The following SUMF1 variants were observed in gnomAD, a reference collection of about 807,000 sequenced individuals.
SUMF1 encodes the protein sulfatase modifying factor 1, also known as formylglycine-generating enzyme.
Under a neutral mutation model 47.6 loss-of-function variants are expected in SUMF1, and 48 were observed. That is an observed-to-expected ratio of 1.01 (90% CI 0.80 to 1.28). SUMF1 has a LOEUF of 1.28. Among genes scored for constraint, SUMF1 ranks in the 50% most tolerant of loss-of-function variants. The pLI is 0.00. For synonymous variants in SUMF1, 230 were observed against 192.1 expected (o/e 1.20, Z -1.63); for missense variants, 571 against 485.4 (o/e 1.18, Z -1.66).
chr3:4,084,062 G>A (rs1305124146), intron 8 of SUMF1, among the ~76,000 whole-genome samples: 1 of 152,092 alleles, frequency 6.6e-6, no homozygotes, highest in Non-Finnish European at 1.5e-5. Flanking sequence ...TGGAGGAAAT[G>A]ACACTTTTTA....
chr3:4,240,518 G>GAAA (rs1357661170), intron 8 of SUMF1, among the ~76,000 whole-genome samples: 1 of 151,500 alleles, frequency 6.6e-6, no homozygotes, highest in African/African-American at 2.4e-5. Context: ...TTTGCTTTTA[G>GAAA]ATGATTTTTT....
intron 8 of SUMF1, among the ~76,000 whole-genome samples, chr3:4,198,603 T>A (rs1489558770): frequency 6.6e-6 from 1 of 152,140 alleles, no homozygotes; most frequent in Non-Finnish European, 1.5e-5. Flanking sequence ...GTGAAAAGAC[T>A]GACAATGGCC....
At chr3:4,214,700 A>G (rs575115222) in intron 8 of SUMF1, among the ~76,000 whole-genome samples, 1 of 152,278 alleles carries the variant, frequency 6.6e-6, no homozygotes, top group East Asian at 1.9e-4. Context: ...GCAATAAAAA[A>G]TCATATAGGG....
chr3:4,365,799 T>A (rs576084482), intron 8 of SUMF1, among the ~76,000 whole-genome samples: 68 of 151,660 alleles, frequency 4.5e-4, no homozygotes, highest in Middle Eastern at 3.4e-3. Context: ...TTGATGCAGT[T>A]TCTTCCTAGT....
intron 8 of SUMF1, among the ~76,000 whole-genome samples, chr3:4,267,469 G>A (rs971634921): frequency 4.6e-5 from 7 of 152,050 alleles, no homozygotes; most frequent in East Asian, 1.9e-4. Context: ...TGTATGTGTC[G>A]AGGAATTTAT....
intron 8 of SUMF1, among the ~76,000 whole-genome samples, chr3:4,158,431 T>C (rs975132384): frequency 2.6e-5 from 4 of 151,624 alleles, no homozygotes; most frequent in Non-Finnish European, 4.4e-5. Context: ...CTGCAGTCAT[T>C]GGATAAAATG....
chr3:4,344,151 C>T (rs1169822128), intron 8 of SUMF1, among the ~76,000 whole-genome samples: 6 of 152,204 alleles, frequency 3.9e-5, no homozygotes, highest in Admixed American at 6.5e-5. Context: ...AATCCTTCAC[C>T]GGCAACCAAG....
chr3:4,348,220 G>C (rs374855275), intron 8 of SUMF1, among the ~76,000 whole-genome samples: 27 of 152,252 alleles, frequency 1.8e-4, no homozygotes, highest in African/African-American at 6.3e-4. Flanking sequence ...GGATAGCCAA[G>C]ACAATTCTGA....
chr3:4,140,353 C>T (rs1466773705), intron 8 of SUMF1, among the ~76,000 whole-genome samples: 3 of 151,982 alleles, frequency 2.0e-5, no homozygotes, highest in Admixed American at 6.6e-5. Context: ...AACCAACATT[C>T]CTTGAAAATC....
chr3:4,157,740 A>C (rs6808461), intron 8 of SUMF1, among the ~76,000 whole-genome samples: 51,866 of 151,278 alleles, frequency 0.34, 9,967 homozygotes, highest in Non-Finnish European at 0.43. Context: ...TAAGACTTTA[A>C]GTTCTTCCCA....
At chr3:4,163,398 G>A (rs182550657) in intron 8 of SUMF1, among the ~76,000 whole-genome samples, 20 of 33,986 alleles carry the variant, frequency 5.9e-4, no homozygotes, top group South Asian at 1.6e-3. Flanking sequence ...GAGGGAGGGA[G>A]GGAGGGAGGG....
In SUMF1 at chr3:4,433,105, G is replaced by C. The variant is rs541406874; in HGVS notation, c.520-12959C>G. Among the ~76,000 whole-genome samples the C allele has an allele frequency of 1.0e-3, 154 of 152,080 alleles. 1 individual carries two copies. Among genetic ancestry groups the C allele is most frequent in the Non-Finnish European group, 2.0e-3 (136 of 68,016 alleles). On this transcript the variant is annotated intron_variant, in intron 3 of 8. Transcript: ENST00000272902. ...TTTGCATAAGTTTCTCTTAAAGCTAGACATCCCTCAGCATGACTCTCTACT... is the reference window on the plus strand; with the variant it reads ...TTTGCATAAGTTTCTCTTAAAGCTACACATCCCTCAGCATGACTCTCTACT...
intron 8 of SUMF1, among the ~76,000 whole-genome samples, chr3:4,093,405 C>T (rs1036367660): frequency 2.9e-4 from 44 of 152,016 alleles, no homozygotes; most frequent in Admixed American, 2.3e-3. Context: ...AATAATTCAC[C>T]GTGACACATA....
intron 8 of SUMF1, among the ~76,000 whole-genome samples, chr3:4,255,615 C>G (rs1453608934): frequency 1.7e-5 from 2 of 119,258 alleles, no homozygotes; most frequent in Admixed American, 8.2e-5. Context: ...ATTCATAAAG[C>G]AAGTCCTGAG....
intron 9 of SUMF1, among the ~76,000 whole-genome samples, chr3:4,045,554 G>T (rs1279233436): frequency 6.6e-6 from 1 of 151,966 alleles, no homozygotes; most frequent in African/African-American, 2.4e-5. Context: ...TAAATGTAAG[G>T]ATGTGTATGT....
At chr3:4,087,862 T>C (rs1021048651) in intron 8 of SUMF1, among the ~76,000 whole-genome samples, 2 of 152,146 alleles carry the variant, frequency 1.3e-5, no homozygotes, top group Non-Finnish European at 2.9e-5. Context: ...TATACTTCAG[T>C]GATAATCTCA....
chr3:4,245,568 G>A (rs1028807661), intron 8 of SUMF1, among the ~76,000 whole-genome samples: 8 of 152,108 alleles, frequency 5.3e-5, no homozygotes, highest in Non-Finnish European at 2.9e-5. Context: ...ACCAGCAGAG[G>A]CTGCAGAACA....
Position 4,367,553 on chromosome 3 carries a change from G to C in SUMF1, c.1015-5299C>G, listed in dbSNP as rs1345227410. Among the ~76,000 whole-genome samples the C allele has an allele frequency of 5.3e-5, 8 of 151,902 alleles. 1 individual carries two copies. The East Asian group carries it at 1.4e-3, about 26-fold the overall frequency. ...GTCAATCCTAAGCCAAAAGAACAAA[G>C]CTGGAGGCATCACACTACCTGACTT... On this transcript the variant is annotated intron_variant, in intron 8 of 8. Transcript: ENST00000272902.
chr3:4,035,619 T>TA (rs1329296538), intron 9 of SUMF1, among the ~76,000 whole-genome samples: 2 of 152,200 alleles, frequency 1.3e-5, no homozygotes, highest in African/African-American at 4.8e-5. Context: ...CTCAACCTTC[T>TA]ATAGGCTTCC....
Sources: allele counts gnomAD v4.1 joint callset (sites outside exome capture counted in the v4.1 genomes callset), GRCh38; gene constraint gnomAD v4.1.1; transcripts MANE v1.5; gene names NCBI Gene and HGNC (gene_info 2026-07-23, HGNC 2026-07-21).